FHOD3: variants seen among roughly 807,000 people sequenced by gnomAD.
FHOD3 encodes FH1/FH2 domain-containing protein 3.
In FHOD3, 90 loss-of-function variants were observed where a neutral mutation model predicts 173.0. The observed-to-expected ratio is 0.52, with a 90% confidence interval of 0.44 to 0.62. The LOEUF (loss-of-function observed/expected upper bound fraction) is 0.62, where lower values mean the gene tolerates loss of function less well. Among genes scored for constraint, FHOD3 ranks in the 20% least tolerant of loss-of-function variants. The probability of loss-of-function intolerance (pLI) is 0.00; values close to 1 mark genes in which losing one functional copy is unlikely to be tolerated. For synonymous variants in FHOD3, 828 were observed against 823.0 expected, an observed-to-expected ratio of 1.01 and a Z score of -0.10; for missense variants, 1,945 against 2,034.7, an observed-to-expected ratio of 0.96 and a Z score of 0.85.
intron 1 of FHOD3, among the ~76,000 whole-genome samples, chr18:36,336,110 G>A (rs574484360): frequency 5.9e-5 from 9 of 152,236 alleles, no homozygotes; most frequent in African/African-American, 1.9e-4. Context: ...AAACCAAACC[G>A]TGTGGTGGCC....
chr18:36,591,969 A>T (rs1308030691), intron 6 of FHOD3, among the ~76,000 whole-genome samples: 1 of 152,188 alleles, frequency 6.6e-6, no homozygotes, highest in East Asian at 1.9e-4. Flanking sequence ...CTGTAATCCC[A>T]GCACTTTGAG....
At chr18:36,712,948 A>G (rs1311322090) in intron 18 of FHOD3, among the ~76,000 whole-genome samples, 1 of 152,224 alleles carries the variant, frequency 6.6e-6, no homozygotes, top group Non-Finnish European at 1.5e-5. Context: ...CATGGAGGCT[A>G]GCAGGAAGGG....
chr18:36,482,500 C>T (rs1421197789), intron 3 of FHOD3, among the ~76,000 whole-genome samples: 1 of 152,010 alleles, frequency 6.6e-6, no homozygotes, highest in Non-Finnish European at 1.5e-5. Context: ...TGTACCAGGG[C>T]AGTAGTAAGA....
At chr18:36,719,361 A>G (rs565153473) in intron 19 of FHOD3, among the ~76,000 whole-genome samples, 2 of 152,358 alleles carry the variant, frequency 1.3e-5, no homozygotes, top group Admixed American at 6.5e-5. Flanking sequence ...ACTTTTATCA[A>G]TGGAAACACT....
At chr18:36,368,663 A>G (rs2146003191) in intron 2 of FHOD3, among the ~76,000 whole-genome samples, 1 of 152,312 alleles carries the variant, frequency 6.6e-6, no homozygotes, top group East Asian at 1.9e-4. Context: ...AGACTGGGTA[A>G]TTTATAAAGG....
intron 10 of FHOD3, among the ~76,000 whole-genome samples, chr18:36,625,997 A>T (rs1026642019): frequency 4.6e-5 from 7 of 152,146 alleles, no homozygotes; most frequent in Non-Finnish European, 7.3e-5. Context: ...ACCTGTTTTT[A>T]AAAAATATTA....
chr18:36,371,352 C>T (rs1045083723), intron 2 of FHOD3, among the ~76,000 whole-genome samples: 1 of 152,210 alleles, frequency 6.6e-6, no homozygotes, highest in Non-Finnish European at 1.5e-5. Context: ...CACAGTTCCT[C>T]ATTGCTGGGG....
chr18:36,777,198 CTTTTTT>C (rs11294880), intron 28 of FHOD3, among the ~76,000 whole-genome samples: 14 of 108,888 alleles, frequency 1.3e-4, no homozygotes, highest in Non-Finnish European at 2.0e-4. Context: ...TCTTCTTTTT[CTTTTTT>C]TTTTTTTTTT....
At chr18:36,483,786 T>A (rs1470189213) in intron 3 of FHOD3, among the ~76,000 whole-genome samples, 1 of 152,228 alleles carries the variant, frequency 6.6e-6, no homozygotes, top group East Asian at 1.9e-4. Flanking sequence ...TCTCTGATGC[T>A]GGTTAATGAG....
intron 2 of FHOD3, among the ~76,000 whole-genome samples, chr18:36,365,530 G>A (rs1436119861): frequency 2.0e-5 from 3 of 152,148 alleles, no homozygotes; most frequent in African/African-American, 4.8e-5. Context: ...GACACAGAGC[G>A]ATTGCAGATG....
chr18:36,573,291 C>A (rs192890387), intron 5 of FHOD3, among the ~76,000 whole-genome samples: 95 of 151,802 alleles, frequency 6.3e-4, no homozygotes, highest in African/African-American at 2.0e-3. Context: ...ATTTCCTTTT[C>A]TTCTTTGTAT....
intron 18 of FHOD3, among the ~76,000 whole-genome samples, chr18:36,712,205 A>G (rs1385024063): frequency 6.6e-6 from 1 of 152,262 alleles, no homozygotes; most frequent in Non-Finnish European, 1.5e-5. Context: ...TGTCCAAGAC[A>G]TAATGGAAAA....
chr18:36,441,309 A>G (rs1319175478), intron 3 of FHOD3, among the ~76,000 whole-genome samples: 1 of 152,104 alleles, frequency 6.6e-6, no homozygotes, highest in Non-Finnish European at 1.5e-5. Flanking sequence ...GCAAATTCAG[A>G]AGGGTGGGCA....
intron 7 of FHOD3, 47 bp from the exon 8 acceptor site, chr18:36,602,627 G>T (rs997639208): frequency 5.3e-5 from 71 of 1,330,852 alleles, no homozygotes; most frequent in Non-Finnish European, 7.3e-5. Context: ...GTTAGATAAA[G>T]AATGTTGATG....
chr18:36,395,744 A>AT (rs112015664), intron 3 of FHOD3, among the ~76,000 whole-genome samples: 7,494 of 152,190 alleles, frequency 0.049, 617 homozygotes, highest in African/African-American at 0.17. Context: ...ACTCTTATGA[A>AT]TTTTTTTGTT....
intron 9 of FHOD3, among the ~76,000 whole-genome samples, chr18:36,621,472 T>G (rs908141225): frequency 6.6e-6 from 1 of 152,176 alleles, no homozygotes; most frequent in Admixed American, 6.5e-5. Flanking sequence ...GTGGTTTGAG[T>G]GAGCTGAGTG....
At chr18:36,504,213 G>A (rs551401662) in intron 4 of FHOD3, among the ~76,000 whole-genome samples, 4 of 152,176 alleles carry the variant, frequency 2.6e-5, no homozygotes, top group South Asian at 2.1e-4. Context: ...GATCTACCAC[G>A]CCTGGCCTGG....
At chr18:36,485,016 G>A (rs1036005793) in intron 3 of FHOD3, among the ~76,000 whole-genome samples, 3 of 152,172 alleles carry the variant, frequency 2.0e-5, no homozygotes, top group Non-Finnish European at 2.9e-5. Context: ...CGGTGATCAC[G>A]TGCTTCTATC....
At chr18:36,693,633 T>C (rs2039092495) in intron 17 of FHOD3, among the ~76,000 whole-genome samples, 1 of 152,190 alleles carries the variant, frequency 6.6e-6, no homozygotes, top group Non-Finnish European at 1.5e-5. Context: ...AAATGATTCA[T>C]CAAAGTTGTC....
Sources: gnomAD v4.1 joint callset for allele counts (sites outside exome capture counted in the v4.1 genomes callset) on GRCh38, gnomAD v4.1.1 for gene constraint, MANE v1.5 for transcripts, NCBI Gene and HGNC (gene_info 2026-07-23, HGNC 2026-07-21) for gene names.